The following RBFOX1 variants were observed in gnomAD, a reference collection of about 807,000 sequenced individuals.
RBFOX1 encodes the protein RNA binding fox-1 homolog 1, also known as RNA binding protein fox-1 homolog 1.
In RBFOX1, 8 loss-of-function variants were observed where a neutral mutation model predicts 57.7. The observed-to-expected ratio is 0.14, with a 90% CI of 0.08 to 0.25. RBFOX1 has a LOEUF of 0.25. Ranked by LOEUF, RBFOX1 falls within the 10% of genes least tolerant of loss-of-function variation. RBFOX1 has a pLI of 1.00. For synonymous variants in RBFOX1, 326 were observed against 222.4 expected, an observed-to-expected ratio of 1.47 and a Z score of -4.15; for missense variants, 611 against 548.5, an observed-to-expected ratio of 1.11 and a Z score of -1.14.
At chr16:5,769,098 A>G (rs768774303) in intron 3 of RBFOX1, among the ~76,000 whole-genome samples, 2 of 152,302 alleles carry the variant, frequency 1.3e-5, no homozygotes, top group Non-Finnish European at 2.9e-5. Context: ...AGTCAATTAA[A>G]TATTGATATA....
At chr16:7,457,085 C>G (rs1412370323) in intron 4 of RBFOX1, among the ~76,000 whole-genome samples, 1 of 152,026 alleles carries the variant, frequency 6.6e-6, no homozygotes, top group African/African-American at 2.4e-5. Context: ...CGGGGTTTCT[C>G]CGTGTTGGTC....
At chr16:6,059,947 T>A (rs1354446925) in intron 1 of RBFOX1, among the ~76,000 whole-genome samples, 2 of 152,076 alleles carry the variant, frequency 1.3e-5, no homozygotes, top group Non-Finnish European at 2.9e-5. Context: ...TCCCCCTATG[T>A]TTACAGATGA....
chr16:5,317,628 A>G (rs1294426692), intron 1 of RBFOX1, among the ~76,000 whole-genome samples: 3 of 152,172 alleles, frequency 2.0e-5, no homozygotes, highest in Non-Finnish European at 4.4e-5. Flanking sequence ...AACAAAAAAA[A>G]GCGAACAAAA....
intron 3 of RBFOX1, among the ~76,000 whole-genome samples, chr16:6,995,017 G>A (rs1242697057): frequency 6.6e-6 from 1 of 150,592 alleles, no homozygotes; most frequent in East Asian, 2.0e-4. Context: ...GTGTGTATAT[G>A]GATATATATG....
chr16:5,603,064 G>C (rs963167036), downstream of RBFOX1, among the ~76,000 whole-genome samples: 4 of 152,122 alleles, frequency 2.6e-5, no homozygotes, highest in Non-Finnish European at 4.4e-5. Flanking sequence ...CCAGGCCATG[G>C]CATCTCACCG....
intron 4 of RBFOX1, among the ~76,000 whole-genome samples, chr16:5,967,722 A>G (rs1360009569): frequency 6.6e-6 from 1 of 152,128 alleles, no homozygotes; most frequent in Non-Finnish European, 1.5e-5. Context: ...AGGACACAGG[A>G]TGTTATATAA....
intron 1 of RBFOX1, among the ~76,000 whole-genome samples, chr16:6,087,931 G>A (rs184236486): frequency 1.7e-4 from 26 of 152,214 alleles, no homozygotes; most frequent in African/African-American, 4.3e-4. Context: ...GATTACAGGC[G>A]TCAGCCACCA....
At chr16:6,034,835 G>A (rs1167253318) in intron 1 of RBFOX1, among the ~76,000 whole-genome samples, 2 of 152,076 alleles carry the variant, frequency 1.3e-5, no homozygotes, top group Non-Finnish European at 2.9e-5. Context: ...TTTCAGGATG[G>A]GGATGTGGGG....
At chr16:6,770,325 T>C (rs1017273062) in intron 3 of RBFOX1, among the ~76,000 whole-genome samples, 8 of 152,146 alleles carry the variant, frequency 5.3e-5, no homozygotes, top group African/African-American at 1.9e-4. Flanking sequence ...AATCAAATAA[T>C]GTATTTAATG....
chr16:5,579,452 CA>C (rs1326190263), intron 2 of RBFOX1, among the ~76,000 whole-genome samples: 2 of 152,134 alleles, frequency 1.3e-5, no homozygotes, highest in African/African-American at 4.8e-5. Flanking sequence ...TCCATGTGTG[CA>C]CTCGTAGAAT....
chr16:7,141,412 A>C (rs916253564), intron 4 of RBFOX1, among the ~76,000 whole-genome samples: 2 of 152,202 alleles, frequency 1.3e-5, no homozygotes, highest in African/African-American at 4.8e-5. Context: ...CGGCAGCTAG[A>C]AGACCTTATC....
chr16:6,528,649 C>G (rs143158768), intron 2 of RBFOX1, among the ~76,000 whole-genome samples: 1 of 152,170 alleles, frequency 6.6e-6, no homozygotes, highest in East Asian at 1.9e-4. Flanking sequence ...GGCAGGGGCT[C>G]ATCTTGATAT....
At chr16:7,101,495 G>C (rs1040090039) in intron 4 of RBFOX1, among the ~76,000 whole-genome samples, 1 of 152,278 alleles carries the variant, frequency 6.6e-6, no homozygotes, top group Non-Finnish European at 1.5e-5. Flanking sequence ...CTGAGATTCA[G>C]AAAGAGACCG....
intron 1 of RBFOX1, among the ~76,000 whole-genome samples, chr16:5,448,146 G>C (rs182707878): frequency 6.6e-6 from 1 of 152,272 alleles, no homozygotes; most frequent in Admixed American, 6.5e-5. Flanking sequence ...GTTGTCAATA[G>C]GGGCAGCCTA....
At chr16:5,530,985 C>G (rs912952124) in intron 2 of RBFOX1, among the ~76,000 whole-genome samples, 3 of 139,762 alleles carry the variant, frequency 2.1e-5, no homozygotes, top group Non-Finnish European at 4.6e-5. Flanking sequence ...ATTAGCCAGG[C>G]TTGGTGGCAG....
chr16:7,318,198 T>C (rs2096481082), intron 4 of RBFOX1, among the ~76,000 whole-genome samples: 1 of 151,456 alleles, frequency 6.6e-6, no homozygotes, highest in African/African-American at 2.4e-5. Context: ...AGTGATGGTG[T>C]TGATAGTGGT....
chr16:5,427,076 G>A (rs1376297747), intron 1 of RBFOX1, among the ~76,000 whole-genome samples: 3 of 152,084 alleles, frequency 2.0e-5, no homozygotes, highest in Non-Finnish European at 4.4e-5. Context: ...TTATACATCA[G>A]GCCTGGGCCC....
intron 4 of RBFOX1, among the ~76,000 whole-genome samples, chr16:7,132,606 G>GAA (rs564705391): frequency 7.2e-5 from 10 of 138,862 alleles, no homozygotes; most frequent in African/African-American, 2.3e-4. Flanking sequence ...TTGTAAAGCT[G>GAA]AAAAAAAAAA....
Position 6,994,722 on chromosome 16 carries a change from C to G in RBFOX1, c.-15-57335C>G, listed in dbSNP as rs1157042399. On this transcript the variant is annotated intron_variant, in intron 3 of 15. Transcript: ENST00000550418. The stretch of plus-strand genomic sequence containing the variant: ...TGTATTCTGAAAGTCCTGAAGCTAT[C>G]ATATTCCACAGCTTTTTCTGAAATG... Among the ~76,000 whole-genome samples, 7 of 152,178 alleles carry G rather than the reference C, an allele frequency of 4.6e-5. No homozygotes were observed. In the East Asian group the frequency reaches 1.2e-3, roughly 25 times the overall value.
Sources: gnomAD v4.1 joint callset for allele counts (sites outside exome capture counted in the v4.1 genomes callset) on GRCh38, gnomAD v4.1.1 for gene constraint, MANE v1.5 for transcripts, NCBI Gene and HGNC (gene_info 2026-07-23, HGNC 2026-07-21) for gene names.